Variants in NAA15 observed in about 807,000 individuals in gnomAD.
NAA15 encodes the protein N-alpha-acetyltransferase 15, NatA auxiliary subunit.
Under a neutral mutation model 114.0 loss-of-function variants are expected in NAA15, and 34 were observed. The ratio of observed to expected loss-of-function variants is 0.30; its 90% CI spans 0.23 to 0.40. NAA15 has a LOEUF of 0.40. Among genes scored for constraint, NAA15 ranks in the 10% least tolerant of loss-of-function variants. The probability of loss-of-function intolerance (pLI) is 1.00; values close to 1 mark genes in which losing one functional copy is unlikely to be tolerated. For missense variants in NAA15, 658 were observed against 1,004.5 expected, an observed-to-expected ratio of 0.66 and a Z score of 4.66; for synonymous variants, 340 against 338.0, an observed-to-expected ratio of 1.01 and a Z score of -0.06.
At position 139,304,217 on chromosome 4, in the gene NAA15, C is replaced by T. The variant is rs1208845671; in HGVS notation, c.54+2386C>T. Among the ~76,000 whole-genome samples, 9 of 152,282 alleles carry T rather than the reference C, an allele frequency of 5.9e-5. No individual in the cohort carries two copies. The East Asian group carries it at 1.7e-3, about 29-fold the overall frequency. On this transcript the variant is annotated intron_variant, in intron 1 of 19. Transcript: ENST00000296543. ...ACAGGCGTCAGCCACCGCACCCGGCCAAGTGTTAGCACTTTTTAAATAAAT... is the reference window on the plus strand; with the variant it reads ...ACAGGCGTCAGCCACCGCACCCGGCTAAGTGTTAGCACTTTTTAAATAAAT...
chr4:139,342,484 T>G (rs1332570214), intron 4 of NAA15, among the ~76,000 whole-genome samples: 1 of 150,642 alleles, frequency 6.6e-6, no homozygotes, highest in Non-Finnish European at 1.5e-5. Context: ...TGTGTGTTTT[T>G]TTTTTTTTTT....
chr4:139,350,473 T>TC (rs1235826430), intron 7 of NAA15, among the ~76,000 whole-genome samples: 1 of 152,008 alleles, frequency 6.6e-6, no homozygotes, highest in Non-Finnish European at 1.5e-5. Context: ...TCAGACGTGG[T>TC]CCCCCAGTCA....
intron 9 of NAA15, among the ~76,000 whole-genome samples, chr4:139,352,625 CTTGT>C (rs1747815881): frequency 2.1e-5 from 3 of 144,544 alleles, no homozygotes; most frequent in Non-Finnish European, 4.6e-5. Context: ...TGCTGTTTCA[CTTGT>C]TTTTTCTTGC....
intron 14 of NAA15, among the ~76,000 whole-genome samples, chr4:139,364,712 AAC>A (rs1748229097): frequency 1.3e-5 from 2 of 152,222 alleles, no homozygotes; most frequent in South Asian, 4.1e-4. Flanking sequence ...TTCTCAATCT[AAC>A]ACTGTGTCTT....
intron 17 of NAA15, chr4:139,379,364 C>T (rs1253893242): frequency 6.6e-6 from 1 of 152,120 alleles, no homozygotes; most frequent in East Asian, 1.9e-4. Flanking sequence ...TAAAGTAGAA[C>T]TACAGAATTT....
intron 1 of NAA15, among the ~76,000 whole-genome samples, chr4:139,323,611 GT>G (rs1746694104): frequency 6.6e-6 from 1 of 152,110 alleles, no homozygotes; most frequent in Non-Finnish European, 1.5e-5. Context: ...GCTAAGCTCT[GT>G]TTAGGTCCCC....
chr4:139,309,068 C>T (rs1746125746), intron 1 of NAA15, among the ~76,000 whole-genome samples: 1 of 151,726 alleles, frequency 6.6e-6, no homozygotes, highest in South Asian at 2.1e-4. Context: ...CGAGTGAGGG[C>T]CGGGCACAGT....
Position 139,361,924 on chromosome 4 carries a change from C to T in NAA15, c.1740C>T (p.His580=), listed in dbSNP as rs776976323. 5.3e-5 allele frequency: 86 copies of T among 1,608,404 alleles called. No individual in the cohort carries two copies. The highest frequency in any genetic ancestry group is 1.6e-4 in the Middle Eastern group (1 of 6,070). Residue 580 remains histidine, a synonymous_variant, in exon 14 of 20, where the codon CAC becomes CAT. Coordinates refer to ENST00000296543, the MANE Select transcript of NAA15 (RefSeq NM_057175.5). ...CCCTTACAGATGAGAATAAAGAACA[C>T]GAAGCTGATACAGGTATAATATTCA... ...DNPLTDENKE[H]EADTANMSDK...
intron 1 of NAA15, among the ~76,000 whole-genome samples, chr4:139,321,021 CTG>C (rs1172609260): frequency 6.6e-6 from 1 of 152,294 alleles, no homozygotes; most frequent in African/African-American, 2.4e-5. Flanking sequence ...ACTTTTGTGA[CTG>C]TGTCTAGCTA....
chr4:139,320,030 A>T (rs187907869), intron 1 of NAA15, among the ~76,000 whole-genome samples: 7 of 152,278 alleles, frequency 4.6e-5, no homozygotes, highest in Admixed American at 3.3e-4. Flanking sequence ...AGTGTTCACT[A>T]TTGCTTCCTT....
chr4:139,360,523 T>C lies in NAA15; in HGVS notation c.1434T>C (p.Asn478=), dbSNP rs1748100781. 1.3e-6 allele frequency: 2 copies of C among 1,594,610 alleles called. No homozygotes were observed. The highest frequency in any genetic ancestry group is 2.3e-5 in the South Asian group (2 of 87,418). ...FTREGTSAVE[N]LNEMQCMWFQ... is the part of the protein sequence containing the mutation. ...AGGAAGGAACATCAGCGGTAGAGAATTTGAATGAAATGCAGTGCATGTGGT... is the reference window on the plus strand; with the variant it reads ...AGGAAGGAACATCAGCGGTAGAGAACTTGAATGAAATGCAGTGCATGTGGT... The change falls in exon 13 of 20, where the codon AAT becomes AAC. Residue 478 remains asparagine (N), a synonymous_variant. Transcript: ENST00000296543.
In NAA15 at chr4:139,370,205, CT is replaced by C; in HGVS notation, c.1754-5del. 1 of 1,510,012 alleles carries C rather than the reference CT, an allele frequency of 6.6e-7. No individual in the cohort carries two copies. The highest frequency in any genetic ancestry group is 8.8e-7 in the Non-Finnish European group (1 of 1,133,144). The allele number at this position is 1,510,012 out of a possible 1,614,324, so 93.5% of individuals were successfully genotyped here. A position where few individuals can be genotyped will look rare whatever the true frequency, so the allele number is the denominator to read the frequency against. On this transcript the variant is annotated splice_region_variant and splice_polypyrimidine_tract_variant and intron_variant, in intron 14 of 19. Transcript: ENST00000296543. ...TTAATTTTATTAATTAACTTATTGCCTGCAGCAAACATGTCTGACAAAGAGC... is the reference window on the plus strand; with the variant it reads ...TTAATTTTATTAATTAACTTATTGCCGCAGCAAACATGTCTGACAAAGAGC...
rs142902451 is a variant in NAA15, at chr4:139,324,284, C to A, written c.55-9890C>A. ...TTGAAAAACAATAGCCTGCATTATT[C>A]TTCTAGTATTTTTGAAAGTATTATG... On this transcript the variant is annotated intron_variant, in intron 1 of 19. Coordinates refer to ENST00000296543, the MANE Select transcript of NAA15 (RefSeq NM_057175.5). 2.6e-5 allele frequency among the ~76,000 whole-genome samples: 4 copies of A among 152,316 alleles called. No homozygotes were observed. The East Asian group carries it at 5.8e-4, about 22-fold the overall frequency.
chr4:139,323,483 C>G (rs1251383406), intron 1 of NAA15, among the ~76,000 whole-genome samples: 2 of 152,098 alleles, frequency 1.3e-5, no homozygotes, highest in Admixed American at 6.5e-5. Flanking sequence ...CGTGAGCCAC[C>G]GTGTCCAACT....
At position 139,389,367 on chromosome 4, in the gene NAA15, A is replaced by G. The variant is rs1403474615; in HGVS notation, c.*1283A>G. On this transcript the variant is annotated 3_prime_UTR_variant, in exon 20 of 20. Transcript: ENST00000296543. ...AATCTGTGTTGGGCTTCTGTGAAAT[A>G]CACAGGTGGAAACAGAGGTGCAAGC... 6.6e-6 allele frequency: 1 copy of G among 152,588 alleles called. No homozygotes were observed. The allele number at this position is 152,588 out of a possible 1,614,324, so 9.5% of individuals were successfully genotyped here. A position where few individuals can be genotyped will look rare whatever the true frequency, so the allele number is the denominator to read the frequency against.
intron 5 of NAA15, among the ~76,000 whole-genome samples, chr4:139,343,612 A>G (rs773362354): frequency 2.0e-5 from 3 of 152,206 alleles, no homozygotes; most frequent in Non-Finnish European, 4.4e-5. Context: ...ATAGAGTTTT[A>G]TAATTTTGGC....
chr4:139,350,474 C>G (rs1049251707), intron 7 of NAA15, among the ~76,000 whole-genome samples: 4 of 152,140 alleles, frequency 2.6e-5, no homozygotes, highest in African/African-American at 9.7e-5. Context: ...CAGACGTGGT[C>G]CCCCAGTCAT....
At chr4:139,356,911 T>G (rs1249250947) in intron 10 of NAA15, among the ~76,000 whole-genome samples, 1 of 122,044 alleles carries the variant, frequency 8.2e-6, no homozygotes, top group African/African-American at 3.1e-5. Context: ...ATCACCAAAT[T>G]CAAAATAACC....
chr4:139,372,785 C>G (rs1748479388), intron 15 of NAA15, among the ~76,000 whole-genome samples: 2 of 147,792 alleles, frequency 1.4e-5, no homozygotes, highest in Admixed American at 6.9e-5. Context: ...TGGTAAATGG[C>G]AAATTTAGTG....
Sources: allele counts gnomAD v4.1 joint callset (sites outside exome capture counted in the v4.1 genomes callset), GRCh38; gene constraint gnomAD v4.1.1; transcripts MANE v1.5; gene names NCBI Gene and HGNC (gene_info 2026-07-23, HGNC 2026-07-21).